Variants in SPIDR observed in about 807,000 individuals in gnomAD.
SPIDR encodes the protein scaffold protein involved in DNA repair, also known as DNA repair-scaffolding protein.
SPIDR carries 93 observed loss-of-function variants against 104.6 expected under a neutral mutation model. That is an observed-to-expected ratio of 0.89 (90% CI 0.75 to 1.06). The LOEUF is 1.06. SPIDR is among the 50% of genes least tolerant of loss of function. SPIDR has a pLI of 0.00. For missense variants in SPIDR, 1,154 were observed against 1,111.2 expected (o/e 1.04, Z -0.55); for synonymous variants, 431 against 416.9 (o/e 1.03, Z -0.41).
intron 11 of SPIDR, among the ~76,000 whole-genome samples, chr8:47,682,740 A>G (rs2077262930): frequency 6.6e-6 from 1 of 152,218 alleles, no homozygotes; most frequent in South Asian, 2.1e-4. Context: ...CATAAGGAAT[A>G]GGGGCTCAAA....
At chr8:47,442,514 A>T (rs1363471461) in intron 8 of SPIDR, among the ~76,000 whole-genome samples, 2 of 152,068 alleles carry the variant, frequency 1.3e-5, no homozygotes, top group Non-Finnish European at 2.9e-5. Flanking sequence ...TTCTGATGTG[A>T]TGCTCCCCTC....
rs570747727 is a variant in SPIDR at position 47,472,380 on chromosome 8, C to T, written c.1097+31838C>T. ...CTGAAGGGTGGACACTCTGTTGAGACCACTGATGAGGTGGCCACAGAGGGA... is the reference window on the plus strand; with the variant it reads ...CTGAAGGGTGGACACTCTGTTGAGATCACTGATGAGGTGGCCACAGAGGGA... On this transcript the variant is annotated intron_variant, in intron 8 of 19. Coordinates refer to ENST00000297423, the MANE Select transcript of SPIDR (RefSeq NM_001080394.4). Among the ~76,000 whole-genome samples the T allele has an allele frequency of 3.9e-5, 6 of 152,282 alleles. No homozygotes were observed. The East Asian group carries it at 1.2e-3, about 29-fold the overall frequency.
chr8:47,556,926 G>A (rs2091396603), intron 8 of SPIDR, among the ~76,000 whole-genome samples: 1 of 152,000 alleles, frequency 6.6e-6, no homozygotes, highest in African/African-American at 2.4e-5. Context: ...ATAAATTAAG[G>A]TGTTTTTATG....
At chr8:47,599,425 T>C (rs752878427) in intron 10 of SPIDR, among the ~76,000 whole-genome samples, 1 of 152,250 alleles carries the variant, frequency 6.6e-6, no homozygotes, top group Non-Finnish European at 1.5e-5. Flanking sequence ...GCATTTTGTT[T>C]TACCTTTAAT....
chr8:47,598,659 G>A (rs1208903698), intron 9 of SPIDR, among the ~76,000 whole-genome samples: 1 of 152,140 alleles, frequency 6.6e-6, no homozygotes, highest in African/African-American at 2.4e-5. Flanking sequence ...TATTTTATTA[G>A]CAGAACTTCC....
chr8:47,716,787 A>C (rs1048849300), intron 16 of SPIDR, among the ~76,000 whole-genome samples: 1 of 152,022 alleles, frequency 6.6e-6, no homozygotes, highest in Non-Finnish European at 1.5e-5. Flanking sequence ...CACATGGAAA[A>C]CCCACAGAAG....
At chr8:47,284,127 A>G (rs944882770) in intron 3 of SPIDR, 33 bp downstream of exon 3, 7 of 1,517,324 alleles carry the variant, frequency 4.6e-6, no homozygotes, top group African/African-American at 1.4e-5. Context: ...GACAGAGAAG[A>G]TATAAGACTA....
intron 10 of SPIDR, among the ~76,000 whole-genome samples, chr8:47,624,890 G>A (rs2065799172): frequency 6.6e-6 from 1 of 152,126 alleles, no homozygotes; most frequent in Non-Finnish European, 1.5e-5. Flanking sequence ...CATTTTATGA[G>A]GCCGGCATCA....
chr8:47,403,351 C>T (rs954992753), intron 6 of SPIDR, among the ~76,000 whole-genome samples: 1 of 152,100 alleles, frequency 6.6e-6, no homozygotes, highest in African/African-American at 2.4e-5. Context: ...GAAGTTCTGG[C>T]CAGGGCAATC....
chr8:47,470,112 G>A (rs1420659788), intron 8 of SPIDR, among the ~76,000 whole-genome samples: 1 of 152,076 alleles, frequency 6.6e-6, no homozygotes, highest in African/African-American at 2.4e-5. Context: ...TGAAAAGGAA[G>A]AGCAAATATG....
At chr8:47,439,828 T>C (rs1435309393) in intron 7 of SPIDR, among the ~76,000 whole-genome samples, 1 of 152,146 alleles carries the variant, frequency 6.6e-6, no homozygotes, top group African/African-American at 2.4e-5. Context: ...TACCCAGCAG[T>C]CCACATAACT....
intron 11 of SPIDR, among the ~76,000 whole-genome samples, chr8:47,685,604 C>G (rs951142129): frequency 6.8e-6 from 1 of 147,410 alleles, no homozygotes; most frequent in African/African-American, 2.5e-5. Flanking sequence ...TTTTGTTTTT[C>G]TTTCTTTTTT....
At chr8:47,613,500 G>T (rs1293644153) in intron 10 of SPIDR, among the ~76,000 whole-genome samples, 2 of 152,068 alleles carry the variant, frequency 1.3e-5, no homozygotes. Flanking sequence ...CATTTCTCTT[G>T]GTGTAGATAT....
intron 8 of SPIDR, among the ~76,000 whole-genome samples, chr8:47,469,455 A>G (rs1554719524): frequency 6.6e-6 from 1 of 152,208 alleles, no homozygotes; most frequent in Non-Finnish European, 1.5e-5. Context: ...AATAGCAAAA[A>G]AATGGAATCA....
At chr8:47,708,624 A>G (rs142920885) in intron 14 of SPIDR, among the ~76,000 whole-genome samples, 2 of 152,320 alleles carry the variant, frequency 1.3e-5, no homozygotes, top group African/African-American at 4.8e-5. Flanking sequence ...CTACGATCAT[A>G]GTATCATATG....
chr8:47,644,241 A>G (rs1302804258), intron 10 of SPIDR, among the ~76,000 whole-genome samples: 1 of 152,198 alleles, frequency 6.6e-6, no homozygotes, highest in Non-Finnish European at 1.5e-5. Flanking sequence ...CTCCCCAGCC[A>G]TCCCTTTACT....
At chr8:47,613,937 G>A (rs540589689) in intron 10 of SPIDR, among the ~76,000 whole-genome samples, 2 of 152,168 alleles carry the variant, frequency 1.3e-5, no homozygotes, top group South Asian at 2.1e-4. Context: ...GTGTGCCATG[G>A]TAGTTTGCTG....
chr8:47,515,491 A>G (rs1477535695), intron 8 of SPIDR, among the ~76,000 whole-genome samples: 1 of 152,188 alleles, frequency 6.6e-6, no homozygotes, highest in East Asian at 1.9e-4. Context: ...GGGTATAATT[A>G]AGGCCTGCCA....
Position 47,734,914 on chromosome 8 carries a change from C to T in SPIDR, c.2605-393C>T, listed in dbSNP as rs1457615457. ...TTTGGGGCAAAGCACCAGGAAATCC[C>T]TCAACCGGAAGTGTTGCTAGATTGA... On this transcript the variant is annotated intron_variant, in intron 19 of 19. Coordinates refer to ENST00000297423, the MANE Select transcript of SPIDR (RefSeq NM_001080394.4). 3.3e-5 allele frequency among the ~76,000 whole-genome samples: 5 copies of T among 152,224 alleles called. No individual in the cohort carries two copies. The South Asian group carries it at 8.3e-4, about 25-fold the overall frequency.
Sources: gnomAD v4.1 joint callset for allele counts (sites outside exome capture counted in the v4.1 genomes callset) on GRCh38, gnomAD v4.1.1 for gene constraint, MANE v1.5 for transcripts, NCBI Gene and HGNC (gene_info 2026-07-23, HGNC 2026-07-21) for gene names.